The following KALRN variants were observed in gnomAD, a reference collection of about 807,000 sequenced individuals.
KALRN encodes kalirin.
A neutral mutation model predicts 353.7 loss-of-function variants in KALRN; 70 were observed. The observed-to-expected ratio is 0.20, with a 90% CI of 0.16 to 0.24. KALRN has a LOEUF of 0.24. Among genes scored for constraint, KALRN ranks in the 10% least tolerant of loss-of-function variants. The probability of loss-of-function intolerance (pLI) is 1.00; values close to 1 mark genes in which losing one functional copy is unlikely to be tolerated. For missense variants in KALRN, 2,791 were observed against 3,756.7 expected (o/e 0.74, Z 6.72); for synonymous variants, 1,391 against 1,434.8 (o/e 0.97, Z 0.69).
At chr3:124,233,510 T>C (rs551790904) in intron 2 of KALRN, among the ~76,000 whole-genome samples, 1 of 152,156 alleles carries the variant, frequency 6.6e-6, no homozygotes, top group African/African-American at 2.4e-5. Flanking sequence ...GCTGAAACAC[T>C]TTTTCATCAG....
chr3:124,569,633 G>A (rs910797108), intron 34 of KALRN, among the ~76,000 whole-genome samples: 5 of 151,854 alleles, frequency 3.3e-5, no homozygotes. Context: ...CATTTCCCAA[G>A]GTCTCACTTT....
At chr3:124,185,014 T>C (rs540209626) in intron 1 of KALRN, among the ~76,000 whole-genome samples, 2 of 152,234 alleles carry the variant, frequency 1.3e-5, no homozygotes, top group South Asian at 4.2e-4. Context: ...GGTTTGTTTG[T>C]TTGTTTTGTT....
intron 53 of KALRN, among the ~76,000 whole-genome samples, chr3:124,695,766 G>A (rs535048484): frequency 6.7e-6 from 1 of 149,604 alleles, no homozygotes; most frequent in South Asian, 2.1e-4. Context: ...ATTCATTATC[G>A]ATCTGTGAAA....
intron 34 of KALRN, among the ~76,000 whole-genome samples, chr3:124,626,930 T>G (rs1029226263): frequency 1.3e-5 from 2 of 152,222 alleles, no homozygotes; most frequent in African/African-American, 4.8e-5. Context: ...ATTTTCTGTT[T>G]CCTAAGGTGG....
At chr3:124,378,778 A>G (rs2086928559) in intron 10 of KALRN, among the ~76,000 whole-genome samples, 1 of 151,918 alleles carries the variant, frequency 6.6e-6, no homozygotes. Flanking sequence ...CAAGTCTGCT[A>G]TCATCCTTAT....
At chr3:124,505,756 C>T (rs1013721100) in intron 33 of KALRN, among the ~76,000 whole-genome samples, 3 of 152,210 alleles carry the variant, frequency 2.0e-5, no homozygotes, top group African/African-American at 7.2e-5. Flanking sequence ...GCTCTGCTTT[C>T]GCTGGAGCTC....
rs117478480 is a variant in KALRN, at chr3:124,564,661, C to T, written c.5182+1572C>T. The stretch of plus-strand genomic sequence containing the variant: ...CACCACTGCACTCCAGACTGGGTGA[C>T]AGAGCAAGGTCCTGCCTCAAAAAGT... On this transcript the variant is annotated intron_variant, in intron 34 of 59. Coordinates refer to ENST00000682506, the MANE Select transcript of KALRN (RefSeq NM_001388419.1). 1.3e-3 allele frequency among the ~76,000 whole-genome samples: 204 copies of T among 152,288 alleles called. 1 individual carries two copies. The East Asian group carries it at 0.026, about 20-fold the overall frequency.
intron 45 of KALRN, among the ~76,000 whole-genome samples, chr3:124,664,334 AGTGTGTGTGTGTGTGTGTGT>A (rs750940277): frequency 7.9e-6 from 1 of 126,790 alleles, no homozygotes; most frequent in African/African-American, 2.9e-5. Context: ...TGTACATGTG[AGTGTGTGTGTGTGTGTGTGT>A]GTGTGTGTGT....
chr3:124,595,480 A>G (rs567168061), intron 34 of KALRN, among the ~76,000 whole-genome samples: 1 of 152,324 alleles, frequency 6.6e-6, no homozygotes, highest in Non-Finnish European at 1.5e-5. Context: ...CTATATACAC[A>G]TTTTATCATG....
chr3:124,347,338 T>C, intron 10 of KALRN, 73 bp downstream of exon 10: 1 of 1,374,882 alleles, frequency 7.3e-7, no homozygotes. Flanking sequence ...GAGGGAGGCA[T>C]GATGACTTTG....
chr3:124,252,446 C>A (rs2148769587), intron 3 of KALRN, among the ~76,000 whole-genome samples: 1 of 152,300 alleles, frequency 6.6e-6, no homozygotes, highest in East Asian at 1.9e-4. Context: ...ATCTATGAGG[C>A]AAGATAGCAT....
chr3:124,141,718 T>C (rs1920610), intron 1 of KALRN, among the ~76,000 whole-genome samples: 57,371 of 152,156 alleles, frequency 0.38, 11,233 homozygotes, highest in African/African-American at 0.48. Context: ...CTTTCTGCGT[T>C]CTCACCTTCC....
chr3:124,427,306 G>C (rs57040513), intron 15 of KALRN, among the ~76,000 whole-genome samples: 1 of 152,198 alleles, frequency 6.6e-6, no homozygotes. Context: ...TAGAAGTAAG[G>C]AACACTGGAC....
At chr3:124,162,293 A>G (rs1192441182) in intron 1 of KALRN, 1 of 152,170 alleles carries the variant, frequency 6.6e-6, no homozygotes, top group Non-Finnish European at 1.5e-5. Context: ...TGGATATTAT[A>G]AAAGAAAGAG....
intron 3 of KALRN, among the ~76,000 whole-genome samples, chr3:124,258,975 A>T (rs1252229959): frequency 6.6e-6 from 1 of 152,256 alleles, no homozygotes; most frequent in Non-Finnish European, 1.5e-5. Context: ...ACACTGTAAT[A>T]AAAATAACTG....
chr3:124,690,668 T>G (rs1432487735), intron 51 of KALRN, among the ~76,000 whole-genome samples: 1 of 152,230 alleles, frequency 6.6e-6, no homozygotes, highest in Admixed American at 6.5e-5. Flanking sequence ...GTCACTGTGA[T>G]CTTAACACTT....
chr3:124,696,262 C>T lies in KALRN; in HGVS notation c.7699+7C>T, dbSNP rs2062044226. The T allele has an allele frequency of 6.2e-7, 1 of 1,613,126 alleles. No homozygotes were observed. Among genetic ancestry groups the T allele is most frequent in the East Asian group, 2.2e-5 (1 of 44,878 alleles). On this transcript the variant is annotated splice_region_variant and intron_variant, in intron 54 of 59. Coordinates refer to ENST00000682506, the MANE Select transcript of KALRN (RefSeq NM_001388419.1). ...GCAACAGTCAAAGTGCAAGGTACAG[C>T]CTCTTTGTTAGTCAAACCTTTTGAA...
At chr3:124,603,862 C>T (rs1049614176) in intron 34 of KALRN, among the ~76,000 whole-genome samples, 1 of 152,136 alleles carries the variant, frequency 6.6e-6, no homozygotes, top group African/African-American at 2.4e-5. Flanking sequence ...ACTATGCCCT[C>T]CCACCTCTCT....
intron 5 of KALRN, among the ~76,000 whole-genome samples, chr3:124,286,324 A>C (rs1259610106): frequency 6.9e-6 from 1 of 145,754 alleles, no homozygotes; most frequent in East Asian, 2.0e-4. Flanking sequence ...TTTGTGCTGC[A>C]AACTCCGCCT....
Sources: gnomAD v4.1 joint callset for allele counts (sites outside exome capture counted in the v4.1 genomes callset) on GRCh38, gnomAD v4.1.1 for gene constraint, MANE v1.5 for transcripts, NCBI Gene and HGNC (gene_info 2026-07-23, HGNC 2026-07-21) for gene names.